Variants in MACF1 observed in about 807,000 individuals in gnomAD.
MACF1 encodes microtubule actin crosslinking factor 1.
A neutral mutation model predicts 854.8 loss-of-function variants in MACF1; 193 were observed. That is an observed-to-expected ratio of 0.23 (90% CI 0.20 to 0.25). MACF1 has a LOEUF of 0.25. Among genes scored for constraint, MACF1 ranks in the 10% least tolerant of loss-of-function variants. MACF1 has a pLI of 1.00. For synonymous variants in MACF1, 3,185 were observed against 3,226.7 expected, an observed-to-expected ratio of 0.99 and a Z score of 0.44; for missense variants, 7,722 against 8,929.1, an observed-to-expected ratio of 0.86 and a Z score of 5.45.
intron 6 of MACF1, among the ~76,000 whole-genome samples, chr1:39,266,793 G>A (rs1325341782): frequency 1.3e-5 from 2 of 151,828 alleles, no homozygotes; most frequent in Non-Finnish European, 2.9e-5. Context: ...ACAGCCCTTT[G>A]GGTTATAGTC....
At position 39,333,778 on chromosome 1, in the gene MACF1, C is replaced by T. The variant is rs1384870737; in HGVS notation, c.7190C>T (p.Thr2397Ile). The T allele has an allele frequency of 6.2e-7, 1 of 1,614,176 alleles. No individual in the cohort carries two copies. Among genetic ancestry groups the T allele is most frequent in the Admixed American group, 1.7e-5 (1 of 60,032 alleles). The change falls in exon 37 of 101, where the codon ACA becomes ATA. Residue 2397 changes from threonine to isoleucine, a missense_variant. This residue lies in a region of MACF1 where 1,531 missense variants were observed against 1,601.6 expected (regional missense o/e 0.96). Transcript: ENST00000564288. Reference protein sequence around the residue: ...AVTVGLLDKETATRILERQVV... With the variant: ...AVTVGLLDKEIATRILERQVV... Reference sequence around the variant, plus strand: ...ACAGTTGGACTTCTTGACAAGGAAACAGCCACCAGAATTTTAGAGAGGCAG... The same window carrying T: ...ACAGTTGGACTTCTTGACAAGGAAATAGCCACCAGAATTTTAGAGAGGCAG...
intron 2 of MACF1, among the ~76,000 whole-genome samples, chr1:39,172,397 C>T (rs1181522138): frequency 6.6e-6 from 1 of 152,190 alleles, no homozygotes; most frequent in African/African-American, 2.4e-5. Flanking sequence ...ACATTTGAAA[C>T]TTGCTCATGG....
At position 39,157,710 on chromosome 1, in the gene MACF1, A is replaced by G. The variant is rs370862287; in HGVS notation, c.220+73272A>G. On this transcript the variant is annotated intron_variant, in intron 2 of 93. Coordinates refer to the MACF1 transcript ENST00000361689. ...CAGATTACTTAACCTCTGTCTATTT[A>G]CTTTTTCTTTTTTTGAGACAGGGCC... Among the ~76,000 whole-genome samples, 4 of 152,004 alleles carry G rather than the reference A, an allele frequency of 2.6e-5. No individual in the cohort carries two copies. In the East Asian group the frequency reaches 7.7e-4, roughly 29 times the overall value.
At chr1:39,194,186 CCCT>C (rs1644288744) in intron 2 of MACF1, among the ~76,000 whole-genome samples, 1 of 152,002 alleles carries the variant, frequency 6.6e-6, no homozygotes, top group African/African-American at 2.4e-5. Context: ...TATTTTCTGC[CCCT>C]CCTCTTTAGT....
chr1:39,122,047 C>G (rs1642728118), intron 2 of MACF1, among the ~76,000 whole-genome samples: 1 of 152,072 alleles, frequency 6.6e-6, no homozygotes, highest in African/African-American at 2.4e-5. Flanking sequence ...AAATTGTTTA[C>G]CTTAAGACAG....
chr1:39,430,654 G>A, intron 65 of MACF1, 48 bp from the exon 66 acceptor site: 1 of 1,480,378 alleles, frequency 6.8e-7, no homozygotes, highest in Non-Finnish European at 9.4e-7. Context: ...AGTTGCTGAT[G>A]TGCTTTATTT....
chr1:39,315,843 A>G (rs1571323403), intron 27 of MACF1, 152 bp downstream of exon 27: 2 of 692,136 alleles, frequency 2.9e-6, no homozygotes, highest in East Asian at 2.9e-5. Context: ...AGTTCCTAGT[A>G]ACATTAAGTA....
At chr1:39,358,924 G>A in intron 46 of MACF1, 51 bp downstream of exon 46, 1 of 1,548,380 alleles carries the variant, frequency 6.5e-7, no homozygotes. Flanking sequence ...GTATTCCATG[G>A]CGTAAAGTAC....
At chr1:39,114,628 T>C (rs1241448583) in intron 2 of MACF1, among the ~76,000 whole-genome samples, 1 of 152,182 alleles carries the variant, frequency 6.6e-6, no homozygotes, top group Admixed American at 6.5e-5. Flanking sequence ...AATAAATTAA[T>C]AAGTATTTAT....
Position 39,097,839 on chromosome 1 carries a change from T to C in MACF1, c.220+13401T>C, listed in dbSNP as rs1459852256. On this transcript the variant is annotated intron_variant, in intron 2 of 93. Transcript: ENST00000361689. ...GTGACTCTGATCTCAACTGAGAGCA[T>C]TGGCCACCACTCTCAAGGGCCTCTC... is the stretch of plus-strand genomic sequence containing the variant. Among the ~76,000 whole-genome samples the C allele has an allele frequency of 5.3e-5, 8 of 152,134 alleles. 1 individual carries two copies. Among genetic ancestry groups the C allele is most frequent in the Non-Finnish European group, 8.8e-5 (6 of 68,022 alleles).
intron 5 of MACF1, among the ~76,000 whole-genome samples, chr1:39,254,942 A>G (rs985556508): frequency 1.3e-5 from 2 of 152,184 alleles, no homozygotes; most frequent in Non-Finnish European, 2.9e-5. Context: ...ATTTTTAGAC[A>G]TAGGAAGAGG....
chr1:39,131,815 A>T lies in MACF1; in HGVS notation c.220+47377A>T, dbSNP rs572739325. On this transcript the variant is annotated intron_variant, in intron 2 of 93. Transcript: ENST00000361689. ...ATTTAAAATTTTTGTTTGTTTATTT[A>T]TTTGTTTATTTTTTAGAGATGGGGT... Among the ~76,000 whole-genome samples, 32 of 152,136 alleles carry T rather than the reference A, an allele frequency of 2.1e-4. No individual in the cohort carries two copies. The South Asian group carries it at 6.6e-3, about 32-fold the overall frequency.
intron 2 of MACF1, among the ~76,000 whole-genome samples, chr1:39,234,906 T>C (rs1426896811): frequency 2.9e-5 from 4 of 135,902 alleles, no homozygotes; most frequent in African/African-American, 8.4e-5. Context: ...TCTCAGACGA[T>C]AGGCGGCCGG....
chr1:39,474,259 T>C (rs1454907865), intron 97 of MACF1, among the ~76,000 whole-genome samples: 1 of 151,924 alleles, frequency 6.6e-6, no homozygotes, highest in Non-Finnish European at 1.5e-5. Flanking sequence ...CATGGTGGCA[T>C]GACCCTGTTG....
intron 2 of MACF1, among the ~76,000 whole-genome samples, chr1:39,173,351 A>AAAAAAAAAAAG (rs1553155692): frequency 1.6e-5 from 2 of 126,236 alleles, no homozygotes; most frequent in East Asian, 2.2e-4. Flanking sequence ...AAAAAAAAAA[A>AAAAAAAAAAAG]AAAGAAAGAA....
chr1:39,230,011 G>A (rs1285890880), intron 1 of MACF1, among the ~76,000 whole-genome samples: 1 of 152,202 alleles, frequency 6.6e-6, no homozygotes, highest in Non-Finnish European at 1.5e-5. Flanking sequence ...CCAAACTGCT[G>A]GGATTACAAG....
In MACF1 at chr1:39,462,728, A is replaced by C. The variant is rs112440026; in HGVS notation, c.21678+691A>C. Reference sequence around the variant, plus strand: ...AGACTTGTCTTAAAAAATAAAAACAAATGTTTAAAAGGGGAGTAAAATGTA... The same window carrying C: ...AGACTTGTCTTAAAAAATAAAAACACATGTTTAAAAGGGGAGTAAAATGTA... On this transcript the variant is annotated intron_variant, in intron 93 of 100. Coordinates refer to ENST00000564288, the MANE Select transcript of MACF1 (RefSeq NM_001394062.1). 5.2e-3 allele frequency among the ~76,000 whole-genome samples: 790 copies of C among 152,240 alleles called. 6 individuals are homozygous for C. The highest frequency in any genetic ancestry group is 0.018 in the African/African-American group (730 of 41,542).
In MACF1 at chr1:39,388,331, G is replaced by T; in HGVS notation, c.15489G>T (p.Arg5163=). ...DSLQSQIEDV[R]LFLNKIHVLK... is the part of the protein sequence containing the mutation. ...TCCAGTCCCAAATCGAGGATGTCCG[G>T]CTATTCCTTAACAAAATTCACGTCC... Residue 5163 remains arginine, a synonymous_variant, in exon 58 of 101, where the codon CGG becomes CGT. Transcript: ENST00000564288. The T allele has an allele frequency of 6.2e-7, 1 of 1,614,162 alleles. No individual in the cohort carries two copies. The highest frequency in any genetic ancestry group is 1.1e-5 in the South Asian group (1 of 91,080).
At chr1:39,441,913 T>C in intron 74 of MACF1, 39 bp from the exon 75 acceptor site, 1 of 1,461,770 alleles carries the variant, frequency 6.8e-7, no homozygotes, top group Non-Finnish European at 9.6e-7. Context: ...CCCAAATTCT[T>C]CTGGTTGTTT....
Sources: gnomAD v4.1 joint callset for allele counts (sites outside exome capture counted in the v4.1 genomes callset) on GRCh38, gnomAD v4.1.1 for gene constraint, gnomAD v4.1.1 regional missense constraint, MANE v1.5 for transcripts, NCBI Gene and HGNC (gene_info 2026-07-23, HGNC 2026-07-21) for gene names.